KCNH1: variants seen among roughly 807,000 people sequenced by gnomAD.
The protein encoded by KCNH1 is potassium voltage-gated channel subfamily H member 1.
KCNH1 carries 27 observed loss-of-function variants against 69.2 expected under a neutral mutation model. The observed-to-expected ratio is 0.39, with a 90% confidence interval of 0.29 to 0.54. KCNH1 has a LOEUF of 0.54. Ranked by LOEUF, KCNH1 falls within the 20% of genes least tolerant of loss-of-function variation. The pLI is 0.68. For missense variants in KCNH1, 798 were observed against 1,261.6 expected, an observed-to-expected ratio of 0.63 and a Z score of 5.57; for synonymous variants, 456 against 487.7, an observed-to-expected ratio of 0.93 and a Z score of 0.86.
intron 7 of KCNH1, among the ~76,000 whole-genome samples, chr1:210,864,966 T>C (rs1056558261): frequency 1.3e-5 from 2 of 152,194 alleles, no homozygotes; most frequent in African/African-American, 4.8e-5. Context: ...CTTTACAGAA[T>C]GGTAGCTGGG....
intron 6 of KCNH1, among the ~76,000 whole-genome samples, chr1:210,921,013 C>A (rs1687449190): frequency 1.3e-5 from 2 of 152,154 alleles, no homozygotes; most frequent in Admixed American, 1.3e-4. Flanking sequence ...CGAGTACAAA[C>A]CTGGAAAATG....
intron 7 of KCNH1, chr1:210,861,017 T>A: frequency 9.5e-7 from 1 of 1,055,160 alleles, no homozygotes; most frequent in Non-Finnish European, 1.5e-6. Flanking sequence ...AGCATTGGGT[T>A]CTGTAAGAAT....
At chr1:210,712,064 T>G (rs560314253) in intron 10 of KCNH1, among the ~76,000 whole-genome samples, 2 of 151,926 alleles carry the variant, frequency 1.3e-5, no homozygotes, top group Non-Finnish European at 2.9e-5. Flanking sequence ...GAGCCAGGAG[T>G]GTACTCTCTG....
intron 6 of KCNH1, among the ~76,000 whole-genome samples, chr1:211,009,264 TAC>T (rs1558566152): frequency 6.6e-6 from 1 of 152,150 alleles, no homozygotes; most frequent in Admixed American, 6.5e-5. Context: ...CAACAACAGT[TAC>T]AGTTTCAATA....
chr1:210,985,119 C>A (rs12028657), intron 6 of KCNH1, among the ~76,000 whole-genome samples: 1 of 152,022 alleles, frequency 6.6e-6, no homozygotes, highest in African/African-American at 2.4e-5. Flanking sequence ...TCTGTGGGAT[C>A]GGTGGTGATA....
intron 6 of KCNH1, among the ~76,000 whole-genome samples, chr1:210,920,558 A>C (rs1687438094): frequency 6.6e-6 from 1 of 152,182 alleles, no homozygotes. Flanking sequence ...AAATATTAAT[A>C]GAGGTTATTG....
chr1:210,800,113 C>T (rs974264317), intron 8 of KCNH1, among the ~76,000 whole-genome samples: 11 of 152,234 alleles, frequency 7.2e-5, no homozygotes, highest in Admixed American at 3.3e-4. Context: ...TGTGCTTCTG[C>T]ATTCTTGATC....
intron 10 of KCNH1, among the ~76,000 whole-genome samples, chr1:210,702,864 T>G (rs985568450): frequency 1.3e-5 from 2 of 152,358 alleles, no homozygotes; most frequent in Non-Finnish European, 1.5e-5. Context: ...ATCAGTTACC[T>G]TTCCTCCGTC....
intron 7 of KCNH1, among the ~76,000 whole-genome samples, chr1:210,848,208 G>T (rs940186077): frequency 6.6e-6 from 1 of 152,118 alleles, no homozygotes; most frequent in Non-Finnish European, 1.5e-5. Context: ...AATAAATGTT[G>T]TCTGAATTAT....
intron 6 of KCNH1, among the ~76,000 whole-genome samples, chr1:211,015,186 C>T (rs79733127): frequency 0.013 from 1,989 of 152,282 alleles, 48 homozygotes; most frequent in African/African-American, 0.045. Flanking sequence ...CACCAGACCC[C>T]GTGTCCAACT....
chr1:211,116,954 A>G (rs925488284), intron 1 of KCNH1, among the ~76,000 whole-genome samples: 2 of 152,178 alleles, frequency 1.3e-5, no homozygotes, highest in Admixed American at 6.5e-5. Flanking sequence ...TCTTCCATTG[A>G]GTAAAAATCT....
intron 6 of KCNH1, among the ~76,000 whole-genome samples, chr1:210,999,329 G>A (rs578045396): frequency 1.1e-3 from 168 of 152,066 alleles, no homozygotes; most frequent in African/African-American, 3.9e-3. Context: ...TGATAAAGGG[G>A]ATATCACCAC....
intron 6 of KCNH1, among the ~76,000 whole-genome samples, chr1:210,966,663 G>A (rs1208365427): frequency 6.6e-6 from 1 of 151,918 alleles, no homozygotes; most frequent in Non-Finnish European, 1.5e-5. Context: ...TCAAAACCAC[G>A]AGATACCATC....
chr1:210,842,683 G>T (rs1210438084), intron 7 of KCNH1, among the ~76,000 whole-genome samples: 1 of 152,124 alleles, frequency 6.6e-6, no homozygotes, highest in South Asian at 2.1e-4. Flanking sequence ...GTGATGATGA[G>T]GTTGACAACC....
At position 210,841,486 on chromosome 1, in the gene KCNH1, G is replaced by A. The variant is rs575046365; in HGVS notation, c.1463-37320C>T. ...CAGGCTGGGAAAAATAATTAATTGC[G>A]AAATGATAACTTCTACTCCTATATA... On this transcript the variant is annotated intron_variant, in intron 7 of 10. Transcript: ENST00000271751. 1.1e-4 allele frequency among the ~76,000 whole-genome samples: 16 copies of A among 152,228 alleles called. No individual in the cohort carries two copies. In the South Asian group the frequency reaches 1.5e-3, roughly 14 times the overall value.
chr1:210,838,554 A>G (rs1480446512), intron 7 of KCNH1, among the ~76,000 whole-genome samples: 1 of 152,196 alleles, frequency 6.6e-6, no homozygotes, highest in Non-Finnish European at 1.5e-5. Flanking sequence ...CAACAAAAGC[A>G]AAAGTTGACA....
At chr1:210,989,687 T>G (rs925795457) in intron 6 of KCNH1, among the ~76,000 whole-genome samples, 1 of 152,174 alleles carries the variant, frequency 6.6e-6, no homozygotes, top group Non-Finnish European at 1.5e-5. Flanking sequence ...GATTTAAAAC[T>G]TCAAGAGATT....
intron 7 of KCNH1, among the ~76,000 whole-genome samples, chr1:210,895,961 C>T (rs143584438): frequency 5.0e-4 from 76 of 152,160 alleles, no homozygotes; most frequent in Non-Finnish European, 9.0e-4. Flanking sequence ...CAGACAACCA[C>T]GAGAGATTCT....
intron 5 of KCNH1, among the ~76,000 whole-genome samples, chr1:211,031,673 C>G (rs994802560): frequency 7.9e-5 from 12 of 152,280 alleles, no homozygotes; most frequent in Admixed American, 2.0e-4. Context: ...ATGATTCTCT[C>G]AACAGATGCA....
Sources: allele counts gnomAD v4.1 joint callset (sites outside exome capture counted in the v4.1 genomes callset), GRCh38; gene constraint gnomAD v4.1.1; transcripts MANE v1.5; gene names NCBI Gene and HGNC (gene_info 2026-07-23, HGNC 2026-07-21).